The following RIMS2 variants were observed in gnomAD, a reference collection of about 807,000 sequenced individuals.
The protein encoded by RIMS2 is regulating synaptic membrane exocytosis 2, also known as regulating synaptic membrane exocytosis protein 2.
RIMS2 carries 59 observed loss-of-function variants against 174.4 expected under a neutral mutation model. That is an observed-to-expected ratio of 0.34 (90% CI 0.27 to 0.42). RIMS2 has a LOEUF of 0.42. RIMS2 is among the 10% of genes least tolerant of loss of function. The pLI is 1.00. For missense variants in RIMS2, 1,620 were observed against 1,666.3 expected (o/e 0.97, Z 0.48); for synonymous variants, 606 against 572.5 (o/e 1.06, Z -0.84).
rs142176385 is a variant in RIMS2 at position 103,798,382 on chromosome 8, A to C, written c.698+31845A>C. Among the ~76,000 whole-genome samples the C allele has an allele frequency of 2.6e-3, 402 of 152,314 alleles. 3 individuals carry two copies. The highest frequency in any genetic ancestry group is 8.5e-3 in the African/African-American group (352 of 41,576). On this transcript the variant is annotated intron_variant, in intron 3 of 23. Coordinates refer to ENST00000504942, the Ensembl canonical transcript of RIMS2. ...GATTTGTTAAAACCAACTAAATTTT[A>C]ATAAAGGAATTTTAAAAGATAGAAG... is the stretch of plus-strand genomic sequence containing the variant.
chr8:103,678,253 T>C (rs2096839437), intron 1 of RIMS2, among the ~76,000 whole-genome samples: 2 of 152,224 alleles, frequency 1.3e-5, no homozygotes, highest in African/African-American at 4.8e-5. Flanking sequence ...CATATTTGTT[T>C]ATTCATTATT....
intron 1 of RIMS2, among the ~76,000 whole-genome samples, chr8:103,560,084 C>T (rs1407505119): frequency 6.6e-6 from 1 of 152,170 alleles, no homozygotes; most frequent in Non-Finnish European, 1.5e-5. Context: ...TGAAGCAGAG[C>T]TTATCTTCCA....
chr8:103,603,318 G>T (rs1459792686), intron 1 of RIMS2, among the ~76,000 whole-genome samples: 1 of 151,848 alleles, frequency 6.6e-6, no homozygotes, highest in African/African-American at 2.4e-5. Flanking sequence ...CCCTACAAAG[G>T]ACATGAACTC....
intron 1 of RIMS2, among the ~76,000 whole-genome samples, chr8:103,542,322 G>A (rs1339183059): frequency 6.6e-6 from 1 of 152,072 alleles, no homozygotes; most frequent in Non-Finnish European, 1.5e-5. Context: ...GATCAATAAT[G>A]AATAAGAGGC....
chr8:103,839,044 G>A (rs1452490820), intron 3 of RIMS2, among the ~76,000 whole-genome samples: 4 of 152,000 alleles, frequency 2.6e-5, no homozygotes, highest in South Asian at 2.1e-4. Context: ...CAGCCCGTGC[G>A]ACAGGGCGAC....
chr8:103,719,690 T>C (rs749269575), intron 2 of RIMS2, among the ~76,000 whole-genome samples: 15 of 152,232 alleles, frequency 9.9e-5, no homozygotes, highest in Non-Finnish European at 2.2e-4. Flanking sequence ...TAATTTAATG[T>C]TTCCCAGACC....
chr8:103,599,942 T>C (rs1283877255), intron 1 of RIMS2, among the ~76,000 whole-genome samples: 2 of 152,180 alleles, frequency 1.3e-5, no homozygotes, highest in African/African-American at 4.8e-5. Flanking sequence ...AATCAAATTA[T>C]TTTGACTATA....
chr8:104,068,457 G>T, intron 19 of RIMS2, 55 bp from the exon 23 acceptor site: 2 of 769,526 alleles, frequency 2.6e-6, no homozygotes, highest in South Asian at 1.6e-5. Flanking sequence ...CCTGTAAGTC[G>T]GACTCAGAAA....
At chr8:103,559,682 C>G (rs903127930) in intron 1 of RIMS2, among the ~76,000 whole-genome samples, 1 of 152,150 alleles carries the variant, frequency 6.6e-6, no homozygotes, top group Non-Finnish European at 1.5e-5. Context: ...TCAATAGATA[C>G]TTAATGAAAT....
intron 1 of RIMS2, among the ~76,000 whole-genome samples, chr8:103,535,620 C>T (rs1297915023): frequency 6.6e-6 from 1 of 152,188 alleles, no homozygotes; most frequent in African/African-American, 2.4e-5. Flanking sequence ...TCCTCACCTT[C>T]AGTTCTTCCC....
chr8:104,202,933 TAA>T (rs2099062139), intron 19 of RIMS2, among the ~76,000 whole-genome samples: 1 of 152,236 alleles, frequency 6.6e-6, no homozygotes, highest in Non-Finnish European at 1.5e-5. Context: ...TGTCTCCACT[TAA>T]AGACTCTCAT....
intron 2 of RIMS2, among the ~76,000 whole-genome samples, chr8:103,704,720 G>A (rs1423537129): frequency 6.6e-6 from 1 of 151,936 alleles, no homozygotes; most frequent in Non-Finnish European, 1.5e-5. Context: ...GTCTAGAAAT[G>A]TATCCATTTC....
chr8:104,210,735 G>T (rs2099101642), intron 19 of RIMS2, among the ~76,000 whole-genome samples: 1 of 152,168 alleles, frequency 6.6e-6, no homozygotes. Flanking sequence ...CACAGTGGCA[G>T]GCTGCTCATT....
chr8:104,144,898 C>G (rs947607841), intron 19 of RIMS2, among the ~76,000 whole-genome samples: 26 of 151,912 alleles, frequency 1.7e-4, no homozygotes, highest in African/African-American at 4.1e-4. Flanking sequence ...TACCTGTGTC[C>G]CCTAGTAGTA....
chr8:103,999,088 G>A (rs142968839), intron 17 of RIMS2, among the ~76,000 whole-genome samples: 2 of 151,862 alleles, frequency 1.3e-5, no homozygotes, highest in East Asian at 3.9e-4. Context: ...GGAAGGCTTA[G>A]CTAGTATAAA....
intron 19 of RIMS2, 135 bp downstream of exon 21, chr8:104,014,750 T>C (rs2095856688): frequency 2.3e-6 from 1 of 441,614 alleles, no homozygotes; most frequent in South Asian, 6.3e-5. Flanking sequence ...ATAATAGTTA[T>C]ATTTATAAAT....
At chr8:104,095,468 G>A (rs75132357) in intron 19 of RIMS2, among the ~76,000 whole-genome samples, 2,654 of 152,184 alleles carry the variant, frequency 0.017, 134 homozygotes, top group East Asian at 0.15. Flanking sequence ...GAGAAGGGCA[G>A]GGAAAAAATA....
intron 1 of RIMS2, among the ~76,000 whole-genome samples, chr8:103,583,155 A>G (rs1438394148): frequency 1.3e-5 from 2 of 152,106 alleles, no homozygotes; most frequent in African/African-American, 2.4e-5. Flanking sequence ...TAATCCAGAG[A>G]ATTCTCCTGG....
At chr8:103,981,480 C>T (rs544803474) in intron 16 of RIMS2, among the ~76,000 whole-genome samples, 2 of 152,104 alleles carry the variant, frequency 1.3e-5, no homozygotes, top group Non-Finnish European at 2.9e-5. Context: ...TGCCAAGACA[C>T]CAAAGACCGT....
Sources: gnomAD v4.1 joint callset for allele counts (sites outside exome capture counted in the v4.1 genomes callset) on GRCh38, gnomAD v4.1.1 for gene constraint, MANE v1.5 for transcripts, NCBI Gene and HGNC (gene_info 2026-07-23, HGNC 2026-07-21) for gene names.